ABI1: variants seen among roughly 807,000 people sequenced by gnomAD.
ABI1 encodes Abelson interactor 1.
A neutral mutation model predicts 54.6 loss-of-function variants in ABI1; 14 were observed. The observed-to-expected ratio is 0.26, with a 90% CI of 0.17 to 0.40. ABI1 has a LOEUF of 0.40. ABI1 is among the 10% of genes least tolerant of loss of function. The pLI is 1.00. For missense variants in ABI1, 443 were observed against 598.3 expected, an observed-to-expected ratio of 0.74 and a Z score of 2.71; for synonymous variants, 194 against 209.3, an observed-to-expected ratio of 0.93 and a Z score of 0.63.
intron 2 of ABI1, among the ~76,000 whole-genome samples, chr10:26,813,676 C>T (rs1221576718): frequency 6.6e-6 from 1 of 151,988 alleles, no homozygotes; most frequent in African/African-American, 2.4e-5. Flanking sequence ...CAAATCACAA[C>T]AGAGTGAATG....
At chr10:26,852,450 G>C (rs1301399359) in intron 1 of ABI1, among the ~76,000 whole-genome samples, 1 of 152,096 alleles carries the variant, frequency 6.6e-6, no homozygotes, top group African/African-American at 2.4e-5. Flanking sequence ...TTATACTCTA[G>C]CCTGGGCAAC....
At chr10:26,848,605 CT>C (rs35694402) in intron 1 of ABI1, among the ~76,000 whole-genome samples, 116 of 107,376 alleles carry the variant, frequency 1.1e-3, no homozygotes, top group East Asian at 1.5e-3. Context: ...TAAGAAGAGG[CT>C]TTTTTTTTTT....
intron 2 of ABI1, among the ~76,000 whole-genome samples, chr10:26,794,055 C>T (rs1372622081): frequency 6.6e-6 from 1 of 152,046 alleles, no homozygotes; most frequent in East Asian, 1.9e-4. Flanking sequence ...CCAGCCTGGC[C>T]AACATGGTGA....
At chr10:26,763,751 A>C (rs575985390) in intron 7 of ABI1, 31 of 765,796 alleles carry the variant, frequency 4.0e-5, no homozygotes, top group African/African-American at 3.9e-4. Context: ...TATTAGATTT[A>C]ATACTTTAAA....
chr10:26,768,377 C>T (rs1840225492), intron 6 of ABI1, among the ~76,000 whole-genome samples: 1 of 150,744 alleles, frequency 6.6e-6, no homozygotes, highest in Non-Finnish European at 1.5e-5. Context: ...GAAACCCCGT[C>T]TCAACTCAAA....
At chr10:26,749,840 A>G (rs1041150352) in intron 10 of ABI1, among the ~76,000 whole-genome samples, 20 of 152,336 alleles carry the variant, frequency 1.3e-4, no homozygotes, top group Middle Eastern at 6.8e-3. Context: ...TTTACGCTAC[A>G]ATAGCAGGAC....
chr10:26,794,515 G>C (rs534960872), intron 2 of ABI1, among the ~76,000 whole-genome samples: 82 of 151,716 alleles, frequency 5.4e-4, no homozygotes, highest in Non-Finnish European at 9.7e-4. Flanking sequence ...TTAATAGGTG[G>C]TTGTACCATT....
At chr10:26,825,919 T>C (rs1442305553) in intron 1 of ABI1, among the ~76,000 whole-genome samples, 1 of 152,208 alleles carries the variant, frequency 6.6e-6, no homozygotes, top group East Asian at 1.9e-4. Context: ...ATTAGTTCTC[T>C]TGCTGTTCCC....
intron 1 of ABI1, among the ~76,000 whole-genome samples, chr10:26,849,837 A>G (rs139516369): frequency 6.6e-6 from 1 of 152,236 alleles, no homozygotes; most frequent in Non-Finnish European, 1.5e-5. Context: ...TTGTATAATG[A>G]AATGTGTCAA....
At chr10:26,830,904 T>G (rs2048628575) in intron 1 of ABI1, among the ~76,000 whole-genome samples, 1 of 152,164 alleles carries the variant, frequency 6.6e-6, no homozygotes, top group African/African-American at 2.4e-5. Context: ...TTGCCCATTT[T>G]TTTAATTTTA....
intron 1 of ABI1, among the ~76,000 whole-genome samples, chr10:26,828,305 A>G (rs2048440310): frequency 6.6e-6 from 1 of 152,216 alleles, no homozygotes; most frequent in Non-Finnish European, 1.5e-5. Flanking sequence ...ATAACATCGA[A>G]TATCACCATA....
chr10:26,816,241 C>G (rs557586525), intron 2 of ABI1, among the ~76,000 whole-genome samples: 1 of 152,050 alleles, frequency 6.6e-6, no homozygotes, highest in Admixed American at 6.5e-5. Flanking sequence ...AGTGATAATG[C>G]TAGATAGAGG....
intron 2 of ABI1, among the ~76,000 whole-genome samples, chr10:26,782,721 CAAA>C (rs60447736): frequency 1.2e-4 from 14 of 112,512 alleles, no homozygotes; most frequent in Non-Finnish European, 1.5e-4. Context: ...GACTCTGTCT[CAAA>C]AAAAAAAAAA....
At chr10:26,856,676 T>C (rs1429924019) in intron 1 of ABI1, among the ~76,000 whole-genome samples, 1 of 152,178 alleles carries the variant, frequency 6.6e-6, no homozygotes, top group Non-Finnish European at 1.5e-5. Flanking sequence ...CTTTAGAACA[T>C]ACTTGTTAAC....
At chr10:26,843,465 AAAAAAAAAAAAAAAAAAAAAATAT>A (rs1159068742) in intron 1 of ABI1, among the ~76,000 whole-genome samples, 15 of 78,734 alleles carry the variant, frequency 1.9e-4, no homozygotes, top group East Asian at 8.2e-4. Flanking sequence ...AAAAAAAAAA[AAAAAAAAAAAAAAAAAAAAAATAT>A]ATATATATAT....
chr10:26,851,197 T>C (rs1486344940), intron 1 of ABI1, among the ~76,000 whole-genome samples: 1 of 151,810 alleles, frequency 6.6e-6, no homozygotes, highest in Non-Finnish European at 1.5e-5. Flanking sequence ...AAATGCTTGG[T>C]TTTTTGTTTT....
At chr10:26,820,748 C>T (rs528820186) in intron 2 of ABI1, among the ~76,000 whole-genome samples, 2 of 151,776 alleles carry the variant, frequency 1.3e-5, no homozygotes, top group African/African-American at 2.4e-5. Context: ...CCACCACGCC[C>T]GGCTAATTTT....
chr10:26,859,927 T>C (rs915123867), intron 1 of ABI1, among the ~76,000 whole-genome samples: 3 of 151,966 alleles, frequency 2.0e-5, no homozygotes, highest in Non-Finnish European at 2.9e-5. Context: ...TGATAATTAA[T>C]GATAGCAGCC....
At chr10:26,853,012 A>G (rs954262101) in intron 1 of ABI1, among the ~76,000 whole-genome samples, 1 of 152,172 alleles carries the variant, frequency 6.6e-6, no homozygotes, top group African/African-American at 2.4e-5. Flanking sequence ...GTAGATGGAG[A>G]AAATTAGTAG....
Sources: gnomAD v4.1 joint callset for allele counts (sites outside exome capture counted in the v4.1 genomes callset) on GRCh38, gnomAD v4.1.1 for gene constraint, MANE v1.5 for transcripts, NCBI Gene and HGNC (gene_info 2026-07-23, HGNC 2026-07-21) for gene names.